Variants in AGBL1 observed in about 807,000 individuals in gnomAD.
AGBL1 encodes AGBL carboxypeptidase 1, also known as cytosolic carboxypeptidase 4.
Under a neutral mutation model 118.9 loss-of-function variants are expected in AGBL1, and 130 were observed. The ratio of observed to expected loss-of-function variants is 1.09; its 90% CI spans 0.95 to 1.26. AGBL1 has a LOEUF of 1.26. AGBL1 is among the 50% of genes most tolerant of loss of function. AGBL1 has a pLI of 0.00. For missense variants in AGBL1, 1,584 were observed against 1,298.1 expected, an observed-to-expected ratio of 1.22 and a Z score of -3.38; for synonymous variants, 555 against 478.9, an observed-to-expected ratio of 1.16 and a Z score of -2.08.
chr15:86,378,375 T>C (rs909866943), intron 17 of AGBL1, among the ~76,000 whole-genome samples: 7 of 152,182 alleles, frequency 4.6e-5, no homozygotes, highest in Admixed American at 2.0e-4. Context: ...TGGAAATTTT[T>C]TCCCTTCCCA....
intron 21 of AGBL1, among the ~76,000 whole-genome samples, chr15:86,633,229 A>G (rs2085007249): frequency 1.3e-5 from 2 of 152,202 alleles, no homozygotes; most frequent in Non-Finnish European, 2.9e-5. Flanking sequence ...GTGATAATGA[A>G]TGGATAGAAC....
At chr15:86,468,020 C>T (rs2082428833) in intron 18 of AGBL1, among the ~76,000 whole-genome samples, 3 of 152,068 alleles carry the variant, frequency 2.0e-5, no homozygotes, top group African/African-American at 2.4e-5. Flanking sequence ...CATGTTTCTG[C>T]CCATTAGACT....
At chr15:86,159,054 C>G in intron 5 of AGBL1, 28 bp downstream of exon 5, 1 of 1,597,156 alleles carries the variant, frequency 6.3e-7, no homozygotes, top group Non-Finnish European at 8.6e-7. Context: ...ATACTTCTGC[C>G]CCTTTTGTAA....
intron 23 of AGBL1, among the ~76,000 whole-genome samples, chr15:86,922,107 T>C (rs901899419): frequency 1.3e-5 from 2 of 152,186 alleles, no homozygotes; most frequent in Non-Finnish European, 2.9e-5. Flanking sequence ...TCCTTAAAGG[T>C]ATAACTAGTT....
chr15:86,537,073 T>A (rs2083436884), intron 19 of AGBL1, among the ~76,000 whole-genome samples: 1 of 152,092 alleles, frequency 6.6e-6, no homozygotes, highest in African/African-American at 2.4e-5. Context: ...GCCAAGGCAA[T>A]CAACAGTTCT....
At chr15:86,681,342 CATGTTTGTACT>C (rs2085952381) in intron 22 of AGBL1, among the ~76,000 whole-genome samples, 1 of 152,110 alleles carries the variant, frequency 6.6e-6, no homozygotes, top group African/African-American at 2.4e-5. Flanking sequence ...TCCTTTTATT[CATGTTTGTACT>C]ATTGCCAGCT....
At chr15:86,580,896 A>AT (rs58409859) in intron 21 of AGBL1, among the ~76,000 whole-genome samples, 4,069 of 152,252 alleles carry the variant, frequency 0.027, 93 homozygotes, top group East Asian at 0.14. Flanking sequence ...TGCTTCTAAT[A>AT]TTTGTATTTT....
intron 21 of AGBL1, among the ~76,000 whole-genome samples, chr15:86,657,258 G>C (rs1475751172): frequency 6.6e-6 from 1 of 152,192 alleles, no homozygotes; most frequent in African/African-American, 2.4e-5. Context: ...CGGGCTGACT[G>C]TGTGCCTCCT....
chr15:86,745,054 C>T (rs973551335), intron 22 of AGBL1, among the ~76,000 whole-genome samples: 5 of 152,104 alleles, frequency 3.3e-5, no homozygotes, highest in African/African-American at 1.2e-4. Flanking sequence ...TAGAGTATGT[C>T]TTTCCGTAGA....
intron 21 of AGBL1, among the ~76,000 whole-genome samples, chr15:86,571,807 G>A (rs773320812): frequency 5.3e-5 from 8 of 152,134 alleles, no homozygotes; most frequent in Non-Finnish European, 1.0e-4. Context: ...TGGGGGTCTC[G>A]TGGCCCAGCC....
At chr15:86,176,345 A>G (rs1188594328) in intron 5 of AGBL1, among the ~76,000 whole-genome samples, 1 of 152,198 alleles carries the variant, frequency 6.6e-6, no homozygotes, top group African/African-American at 2.4e-5. Context: ...GAAGGCTCCC[A>G]GACAGACCAG....
At chr15:86,106,063 G>A (rs1457286954) in intron 1 of AGBL1, among the ~76,000 whole-genome samples, 1 of 152,220 alleles carries the variant, frequency 6.6e-6, no homozygotes, top group African/African-American at 2.4e-5. Context: ...CACAGGGACA[G>A]AATTTTTATG....
At chr15:86,775,814 G>T (rs898062994) in intron 22 of AGBL1, among the ~76,000 whole-genome samples, 1 of 152,000 alleles carries the variant, frequency 6.6e-6, no homozygotes, top group Admixed American at 6.6e-5. Flanking sequence ...AAAATATTAT[G>T]ACAGACACCT....
At chr15:86,858,629 C>T (rs982350680) in intron 22 of AGBL1, among the ~76,000 whole-genome samples, 2 of 152,198 alleles carry the variant, frequency 1.3e-5, no homozygotes, top group African/African-American at 2.4e-5. Flanking sequence ...AGCAAAGAAA[C>T]TAACCCCCTT....
intron 22 of AGBL1, among the ~76,000 whole-genome samples, chr15:86,844,359 A>T (rs1278501139): frequency 2.0e-5 from 3 of 152,122 alleles, no homozygotes; most frequent in African/African-American, 7.2e-5. Flanking sequence ...GTTTTCCTAC[A>T]TCCTTGTCAA....
At chr15:87,010,995 C>T (rs1459521950) in intron 24 of AGBL1, among the ~76,000 whole-genome samples, 1 of 152,206 alleles carries the variant, frequency 6.6e-6, no homozygotes, top group Non-Finnish European at 1.5e-5. Context: ...TGGCTAAATG[C>T]TCACCAAACC....
chr15:86,648,084 T>A (rs1377458673), intron 21 of AGBL1, among the ~76,000 whole-genome samples: 1 of 152,102 alleles, frequency 6.6e-6, no homozygotes, highest in Non-Finnish European at 1.5e-5. Context: ...GCCTTTTAGG[T>A]CATGATAAGG....
chr15:86,202,008 A>G (rs1281560691), intron 5 of AGBL1, among the ~76,000 whole-genome samples: 2 of 152,172 alleles, frequency 1.3e-5, no homozygotes, highest in Non-Finnish European at 2.9e-5. Context: ...CTGTGTGGCC[A>G]GGCATGGGAG....
At chr15:86,916,561 C>T (rs149933274), downstream of AGBL1, among the ~76,000 whole-genome samples, 315 of 152,262 alleles carry the variant, frequency 2.1e-3, 1 homozygote, top group African/African-American at 7.0e-3. Flanking sequence ...TAAGTGATTC[C>T]GTAGCATATG....
Sources: allele counts gnomAD v4.1 joint callset (sites outside exome capture counted in the v4.1 genomes callset), GRCh38; gene constraint gnomAD v4.1.1; transcripts MANE v1.5; gene names NCBI Gene and HGNC (gene_info 2026-07-23, HGNC 2026-07-21).